TRAPPC9: variants seen among roughly 807,000 people sequenced by gnomAD.
TRAPPC9 encodes the protein trafficking protein particle complex subunit 9, also known as IKK2 binding protein.
Under a neutral mutation model 124.0 loss-of-function variants are expected in TRAPPC9, and 83 were observed. That is an observed-to-expected ratio of 0.67 (90% CI 0.56 to 0.80). The LOEUF is 0.80. TRAPPC9 is among the 30% of genes least tolerant of loss of function. The pLI is 0.00. For missense variants in TRAPPC9, 1,302 were observed against 1,508.3 expected, an observed-to-expected ratio of 0.86 and a Z score of 2.27; for synonymous variants, 638 against 617.5, an observed-to-expected ratio of 1.03 and a Z score of -0.49.
chr8:139,853,777 G>A (rs1410728911), intron 21 of TRAPPC9, among the ~76,000 whole-genome samples: 4 of 152,184 alleles, frequency 2.6e-5, no homozygotes, highest in Non-Finnish European at 5.9e-5. Flanking sequence ...CCAGGGTAGA[G>A]CCGGGACAGA....
chr8:140,089,050 C>T (rs1844395356), intron 17 of TRAPPC9, among the ~76,000 whole-genome samples: 1 of 152,168 alleles, frequency 6.6e-6, no homozygotes, highest in Non-Finnish European at 1.5e-5. Flanking sequence ...AAATGAAAAT[C>T]ATATTTAAGC....
intron 17 of TRAPPC9, among the ~76,000 whole-genome samples, chr8:140,139,754 G>A (rs1273317968): frequency 1.3e-5 from 2 of 152,150 alleles, no homozygotes; most frequent in Non-Finnish European, 2.9e-5. Flanking sequence ...ACCCTGGGGA[G>A]GAACGGACAG....
At chr8:140,127,921 T>G (rs1200068525) in intron 17 of TRAPPC9, among the ~76,000 whole-genome samples, 1 of 152,238 alleles carries the variant, frequency 6.6e-6, no homozygotes, top group African/African-American at 2.4e-5. Context: ...TCATAAATTC[T>G]AAAGCATAAA....
In TRAPPC9 at chr8:140,182,449, A is replaced by G. The variant is rs2062225827; in HGVS notation, c.2556+39010T>C. Among the ~76,000 whole-genome samples, 1 of 152,104 alleles carries G rather than the reference A, an allele frequency of 6.6e-6. No individual in the cohort carries two copies. On this transcript the variant is annotated intron_variant, in intron 17 of 22. Transcript: ENST00000438773. This position sits in a 1 kb window ranked among gnomAD's most constrained non-coding sequence, Gnocchi z 4.0. The stretch of plus-strand genomic sequence containing the variant: ...GCTTCCCAAAGCTGTTATTCGATAG[A>G]CAGAAAACAGCTTCACTACTGATAC...
chr8:140,448,410 T>C (rs1280689817), intron 2 of TRAPPC9, among the ~76,000 whole-genome samples: 2 of 152,228 alleles, frequency 1.3e-5, no homozygotes, highest in East Asian at 3.8e-4. Flanking sequence ...CCACTATGCG[T>C]GACGCACTGC....
At chr8:139,856,667 T>A (rs942575899) in intron 21 of TRAPPC9, among the ~76,000 whole-genome samples, 2 of 148,498 alleles carry the variant, frequency 1.3e-5, no homozygotes, top group African/African-American at 5.0e-5. Context: ...GAGCACTAAC[T>A]CCCTTTGTAA....
At chr8:140,359,173 C>T (rs77366793) in intron 9 of TRAPPC9, among the ~76,000 whole-genome samples, 5,472 of 152,280 alleles carry the variant, frequency 0.036, 208 homozygotes, top group African/African-American at 0.098. Flanking sequence ...TGAGGCCCAG[C>T]TTCTCCCACT....
At chr8:140,041,962 T>C (rs1324222157) in intron 17 of TRAPPC9, among the ~76,000 whole-genome samples, 2 of 150,036 alleles carry the variant, frequency 1.3e-5, no homozygotes, top group Non-Finnish European at 2.9e-5. Flanking sequence ...CAGAGCAAGA[T>C]TGTCTCAAAA....
chr8:140,009,863 T>C (rs902889104), intron 18 of TRAPPC9, among the ~76,000 whole-genome samples: 2 of 152,196 alleles, frequency 1.3e-5, no homozygotes, highest in African/African-American at 4.8e-5. Flanking sequence ...ACTTTACTCA[T>C]TGCTGTCTTC....
chr8:139,803,550 T>C (rs557351260), intron 21 of TRAPPC9, among the ~76,000 whole-genome samples: 1 of 152,182 alleles, frequency 6.6e-6, no homozygotes, highest in Non-Finnish European at 1.5e-5. Flanking sequence ...AGTTGGAGGG[T>C]GTGCACACAC....
At chr8:139,736,635 G>C (rs1048309498) in intron 21 of TRAPPC9, among the ~76,000 whole-genome samples, 3 of 151,974 alleles carry the variant, frequency 2.0e-5, no homozygotes, top group South Asian at 4.1e-4. Context: ...GGACCCCCAG[G>C]GTACAGCTGA....
At chr8:139,769,251 T>G (rs1463554807) in intron 21 of TRAPPC9, among the ~76,000 whole-genome samples, 7 of 152,222 alleles carry the variant, frequency 4.6e-5, no homozygotes, top group Admixed American at 4.6e-4. Context: ...ATGATAAAGT[T>G]TAACTTATGT....
chr8:140,428,648 T>G (rs1484643772), intron 4 of TRAPPC9, among the ~76,000 whole-genome samples: 5 of 152,186 alleles, frequency 3.3e-5, no homozygotes, highest in African/African-American at 4.8e-5. Context: ...AGCCTCATCT[T>G]TTGTTTATAT....
At chr8:140,371,713 T>C (rs1322003830) in intron 7 of TRAPPC9, among the ~76,000 whole-genome samples, 1 of 151,660 alleles carries the variant, frequency 6.6e-6, no homozygotes, top group East Asian at 1.9e-4. Flanking sequence ...TTTCTTTTCT[T>C]TTTTTTTTGA....
intron 21 of TRAPPC9, among the ~76,000 whole-genome samples, chr8:139,752,233 CCCAT>C (rs201799436): frequency 2.6e-4 from 39 of 149,168 alleles, no homozygotes; most frequent in Admixed American, 5.3e-4. Flanking sequence ...CCAACATCTA[CCCAT>C]CCATCCATCC....
Position 140,439,217 on chromosome 8 carries a change from G to A in TRAPPC9, c.585-20C>T, listed in dbSNP as rs548975411. ...TAATGTCTAGAAAATACATGAAAAT[G>A]TATCTTTATTACTATACAACTCCCA... On this transcript the variant is annotated intron_variant, in intron 2 of 22. Coordinates refer to ENST00000438773, the MANE Select transcript of TRAPPC9 (RefSeq NM_001160372.4). The A allele has an allele frequency of 3.1e-6, 5 of 1,613,594 alleles. No individual in the cohort carries two copies. The African/African-American group carries it at 6.7e-5, about 22-fold the overall frequency.
chr8:140,156,847 T>G (rs2061639191), intron 17 of TRAPPC9, among the ~76,000 whole-genome samples: 3 of 152,184 alleles, frequency 2.0e-5, no homozygotes, highest in African/African-American at 7.2e-5. Context: ...TGACAAAAAT[T>G]TAATGCAAGA....
intron 17 of TRAPPC9, among the ~76,000 whole-genome samples, chr8:140,053,783 A>G (rs1842138028): frequency 1.3e-5 from 2 of 152,186 alleles, no homozygotes; most frequent in South Asian, 4.2e-4. Context: ...CTGTTGAATC[A>G]ACCATTTTAT....
At chr8:140,359,638 C>T (rs1022651333) in intron 9 of TRAPPC9, among the ~76,000 whole-genome samples, 3 of 152,090 alleles carry the variant, frequency 2.0e-5, no homozygotes, top group African/African-American at 4.8e-5. Context: ...TTGATTATAG[C>T]GGTGGCCACT....
Sources: gnomAD v4.1 joint callset for allele counts (sites outside exome capture counted in the v4.1 genomes callset) on GRCh38, gnomAD v4.1.1 for gene constraint, Gnocchi (gnomAD v3.1) non-coding constraint, MANE v1.5 for transcripts, NCBI Gene and HGNC (gene_info 2026-07-23, HGNC 2026-07-21) for gene names.